Variants in IL1RAPL1 observed in about 807,000 individuals in gnomAD.
IL1RAPL1 encodes interleukin-1 receptor accessory protein-like 1.
IL1RAPL1 carries 3 observed loss-of-function variants against 48.4 expected under a neutral mutation model. The observed-to-expected ratio is 0.06, with a 90% CI of 0.03 to 0.16. IL1RAPL1 has a LOEUF of 0.16. Ranked by LOEUF, IL1RAPL1 falls within the 10% of genes least tolerant of loss-of-function variation. The pLI, the probability that IL1RAPL1 is intolerant of heterozygous loss-of-function variation, is 1.00. For missense variants in IL1RAPL1, 349 were observed against 530.6 expected, an observed-to-expected ratio of 0.66 and a Z score of 3.36; for synonymous variants, 185 against 187.7, an observed-to-expected ratio of 0.99 and a Z score of 0.12.
intron 8 of IL1RAPL1, among the ~76,000 whole-genome samples, chrX:29,925,506 C>T (rs1310941696): frequency 2.3e-5 from 2 of 87,204 alleles, no homozygotes; most frequent in African/African-American, 8.9e-5. Context: ...TTATCCAATA[C>T]TAATGATTTT....
chrX:29,327,612 T>C (rs1206317968), intron 3 of IL1RAPL1, among the ~76,000 whole-genome samples: 1 of 103,361 alleles, frequency 9.7e-6, no homozygotes, highest in Non-Finnish European at 2.0e-5. Context: ...ATATATTTTA[T>C]ACACATAAAT....
chrX:29,483,907 G>A (rs1240821675), intron 5 of IL1RAPL1, among the ~76,000 whole-genome samples: 2 of 108,540 alleles, frequency 1.8e-5, no homozygotes, highest in Admixed American at 2.0e-4. Context: ...TGCCCAGGCT[G>A]CTCTTGAACT....
At chrX:29,594,208 T>C (rs1419011153) in intron 5 of IL1RAPL1, among the ~76,000 whole-genome samples, 1 of 112,217 alleles carries the variant, frequency 8.9e-6, no homozygotes, top group Non-Finnish European at 1.9e-5. Flanking sequence ...AAGAATTCCA[T>C]GTCCTCTTAC....
At chrX:29,373,867 A>ATTTTTTTTTT (rs59750110) in intron 3 of IL1RAPL1, among the ~76,000 whole-genome samples, 519 of 21,647 alleles carry the variant, frequency 0.024, 169 homozygotes, top group Non-Finnish European at 0.03. Flanking sequence ...TCTCTTTTTA[A>ATTTTTTTTTT]TTTTTTTTTT....
intron 2 of IL1RAPL1, among the ~76,000 whole-genome samples, chrX:28,814,448 A>G (rs750245461): frequency 9.3e-6 from 1 of 107,179 alleles, no homozygotes; most frequent in African/African-American, 3.4e-5. Flanking sequence ...TCACTAGGGA[A>G]TGGTCCATAG....
rs138720922 is a variant in IL1RAPL1 at position 29,760,605 on chromosome X, T to C, written c.778+92101T>C. Among the ~76,000 whole-genome samples the C allele has an allele frequency of 8.2e-3, 912 of 111,606 alleles. 9 individuals are homozygous for C. The highest frequency in any genetic ancestry group is 0.013 in the Non-Finnish European group (666 of 53,109). ...CTGTGGGTATGTCCTGGAATCTACA[T>C]TTTTAAACAAGCTCACCAGGTGATT... On this transcript the variant is annotated intron_variant, in intron 6 of 10. Coordinates refer to ENST00000378993, the MANE Select transcript of IL1RAPL1 (RefSeq NM_014271.4).
chrX:28,734,324 C>A (rs1935792006), intron 1 of IL1RAPL1, among the ~76,000 whole-genome samples: 1 of 111,188 alleles, frequency 9.0e-6, no homozygotes, highest in Non-Finnish European at 1.9e-5. Flanking sequence ...CAATGGCTTC[C>A]ATGGATTTAT....
chrX:29,778,886 T>G (rs755091334), intron 6 of IL1RAPL1, among the ~76,000 whole-genome samples: 3 of 111,794 alleles, frequency 2.7e-5, no homozygotes, highest in African/African-American at 9.7e-5. Flanking sequence ...ACAGGAGAGA[T>G]AATTTGGGGG....
At chrX:29,672,096 G>A (rs1476429585) in intron 6 of IL1RAPL1, among the ~76,000 whole-genome samples, 1 of 111,603 alleles carries the variant, frequency 9.0e-6, no homozygotes, top group Non-Finnish European at 1.9e-5. Flanking sequence ...CGATGTGAAT[G>A]TCATATAATT....
chrX:28,716,272 G>A (rs1231857282), intron 1 of IL1RAPL1, among the ~76,000 whole-genome samples: 2 of 111,710 alleles, frequency 1.8e-5, no homozygotes, highest in Non-Finnish European at 3.8e-5. Flanking sequence ...TTGAAAACTG[G>A]CACAAGGACG....
At chrX:29,306,295 C>A (rs1479016081) in intron 3 of IL1RAPL1, among the ~76,000 whole-genome samples, 1 of 111,103 alleles carries the variant, frequency 9.0e-6, no homozygotes, top group Non-Finnish European at 1.9e-5. Context: ...CTTTGGGAGG[C>A]CGAGGCAGGC....
intron 2 of IL1RAPL1, among the ~76,000 whole-genome samples, chrX:28,894,626 A>G (rs1240327272): frequency 9.0e-6 from 1 of 110,958 alleles, no homozygotes; most frequent in African/African-American, 3.3e-5. Context: ...TTTAGGAGTT[A>G]TGAGAACTGT....
intron 6 of IL1RAPL1, among the ~76,000 whole-genome samples, chrX:29,717,319 G>T (rs1021471763): frequency 9.0e-6 from 1 of 110,978 alleles, no homozygotes; most frequent in African/African-American, 3.3e-5. Flanking sequence ...TTATGAATGA[G>T]TATGAAATAA....
In IL1RAPL1 at chrX:28,602,940, T is replaced by C. The variant is rs147402901; in HGVS notation, c.-25+14893T>C. 5.0e-3 allele frequency among the ~76,000 whole-genome samples: 557 copies of C among 112,116 alleles called. 7 individuals carry two copies. Among genetic ancestry groups the C allele is most frequent in the African/African-American group, 0.017 (530 of 30,903 alleles). Reference sequence around the variant, plus strand: ...ATTGAATCATTACTTAAGTCAAAGATGTTAAGCAGACTTAGTTATTATGAT... The same window carrying C: ...ATTGAATCATTACTTAAGTCAAAGACGTTAAGCAGACTTAGTTATTATGAT... On this transcript the variant is annotated intron_variant, in intron 1 of 10. Transcript: ENST00000378993.
chrX:29,061,716 C>T (rs1194607294), intron 2 of IL1RAPL1, among the ~76,000 whole-genome samples: 2 of 112,522 alleles, frequency 1.8e-5, no homozygotes, highest in Admixed American at 9.4e-5. Context: ...ACCTCGGTCT[C>T]CCAAAGTGCC....
intron 9 of IL1RAPL1, among the ~76,000 whole-genome samples, chrX:29,952,940 C>A (rs1397492196): frequency 9.0e-6 from 1 of 111,138 alleles, no homozygotes; most frequent in Non-Finnish European, 1.9e-5. Flanking sequence ...TGAGTTTGCC[C>A]TGAAAAGTTA....
rs1194622285 is a variant in IL1RAPL1 at position 28,759,569 on chromosome X, A to T, written c.-24-29751A>T. Among the ~76,000 whole-genome samples the T allele has an allele frequency of 4.5e-5, 5 of 111,906 alleles. No homozygotes were observed. In the East Asian group the frequency reaches 8.4e-4, roughly 19 times the overall value. On this transcript the variant is annotated intron_variant, in intron 1 of 10. Coordinates refer to ENST00000378993, the MANE Select transcript of IL1RAPL1 (RefSeq NM_014271.4). ...GATCCCGACTCATTATTCTGCAAAG[A>T]GACAAATAAAGGGAAGGAAGCATAC...
At chrX:28,924,572 G>T (rs1250244731) in intron 2 of IL1RAPL1, among the ~76,000 whole-genome samples, 1 of 111,368 alleles carries the variant, frequency 9.0e-6, no homozygotes, top group African/African-American at 3.3e-5. Context: ...TTCACTACCA[G>T]ACTGATAAAC....
chrX:29,901,895 C>T (rs1354821983), intron 6 of IL1RAPL1, among the ~76,000 whole-genome samples: 1 of 112,169 alleles, frequency 8.9e-6, no homozygotes, highest in African/African-American at 3.2e-5. Flanking sequence ...AAAAAGACCT[C>T]TGTATTAAAA....
Sources: gnomAD v4.1 joint callset for allele counts (sites outside exome capture counted in the v4.1 genomes callset) on GRCh38, gnomAD v4.1.1 for gene constraint, MANE v1.5 for transcripts, NCBI Gene and HGNC (gene_info 2026-07-23, HGNC 2026-07-21) for gene names.